CXADR: variants seen among roughly 807,000 people sequenced by gnomAD.
CXADR encodes the protein coxsackievirus and adenovirus receptor.
A neutral mutation model predicts 40.3 loss-of-function variants in CXADR; 20 were observed. The observed-to-expected ratio is 0.50, with a 90% confidence interval of 0.35 to 0.72. The LOEUF is 0.72. Ranked by LOEUF, CXADR falls within the 30% of genes least tolerant of loss-of-function variation. The probability of loss-of-function intolerance (pLI) is 0.01; values close to 1 mark genes in which losing one functional copy is unlikely to be tolerated. For missense variants in CXADR, 332 were observed against 449.1 expected, an observed-to-expected ratio of 0.74 and a Z score of 2.36; for synonymous variants, 150 against 161.3, an observed-to-expected ratio of 0.93 and a Z score of 0.53.
the CXADR span, chr21:17,599,168 A>C: frequency 4.8e-6 from 1 of 208,328 alleles, no homozygotes. Context: ...TGTACAATAA[A>C]ACATTCTGAT....
the CXADR span, among the ~76,000 whole-genome samples, chr21:17,635,727 C>G: frequency 6.6e-6 from 1 of 152,160 alleles, no homozygotes; most frequent in East Asian, 1.9e-4. Flanking sequence ...ACAAAATGTC[C>G]TCTAACTTTG....
At chr21:17,592,460 G>A (rs980465597) in intron 7 of CXADR, among the ~76,000 whole-genome samples, 1 of 151,806 alleles carries the variant, frequency 6.6e-6, no homozygotes, top group African/African-American at 2.4e-5. Context: ...ACCTACAGAT[G>A]AGGACCAATT....
chr21:17,548,823 G>A (rs1057281378), intron 2 of CXADR, among the ~76,000 whole-genome samples: 2 of 152,212 alleles, frequency 1.3e-5, no homozygotes, highest in African/African-American at 4.8e-5. Flanking sequence ...TAAGATAAAT[G>A]TGAAACTGGG....
the CXADR span, among the ~76,000 whole-genome samples, chr21:17,615,554 G>A: frequency 6.6e-6 from 1 of 152,164 alleles, no homozygotes; most frequent in Non-Finnish European, 1.5e-5. Context: ...TGTAATAAAA[G>A]TTATGTGAAT....
At chr21:17,605,068 A>G in the CXADR span, 1 of 1,526,846 alleles carries the variant, frequency 6.5e-7, no homozygotes, top group East Asian at 2.3e-5. Flanking sequence ...ATCTATTCAT[A>G]CTTGCCAAGG....
At position 17,565,057 on chromosome 21, in the gene CXADR, C is replaced by G. The variant is rs148992599; in HGVS notation, c.834-371C>G. 2.5e-3 allele frequency among the ~76,000 whole-genome samples: 382 copies of G among 152,224 alleles called. 5 individuals are homozygous for G. The highest frequency in any genetic ancestry group is 8.9e-3 in the African/African-American group (371 of 41,540). ...ATACCTGTAGGTGTTAGTGTTTTCTCAACTATAAAGTGTTACATGGCTTTA... is the reference window on the plus strand; with the variant it reads ...ATACCTGTAGGTGTTAGTGTTTTCTGAACTATAAAGTGTTACATGGCTTTA... On this transcript the variant is annotated intron_variant, in intron 6 of 6. Transcript: ENST00000284878.
In CXADR at chr21:17,546,933, C is replaced by T. The variant is rs1029369359; in HGVS notation, c.44-94C>T. 34 of 1,450,046 alleles carry T rather than the reference C, an allele frequency of 2.3e-5. No homozygotes were observed. In the Admixed American group the frequency reaches 2.6e-4, roughly 11 times the overall value. The allele number at this position is 1,450,046 out of a possible 1,614,324, so 89.8% of individuals were successfully genotyped here. A position where few individuals can be genotyped will look rare whatever the true frequency, so the allele number is the denominator to read the frequency against. On this transcript the variant is annotated intron_variant, in intron 1 of 6. Coordinates refer to ENST00000284878, the MANE Select transcript of CXADR (RefSeq NM_001338.5). ...GACCCAAACCCCGTCCTGTATCCCT[C>T]GCATCAATGTGCTGCTTCTGAATGG...
chr21:17,519,946 G>A (rs573665440), intron 1 of CXADR, among the ~76,000 whole-genome samples: 2 of 151,814 alleles, frequency 1.3e-5, no homozygotes, highest in South Asian at 4.2e-4. Context: ...GTGACAGAGC[G>A]AGACTCCATC....
chr21:17,592,037 G>C (rs970188168), intron 7 of CXADR, among the ~76,000 whole-genome samples: 1 of 151,734 alleles, frequency 6.6e-6, no homozygotes, highest in African/African-American at 2.4e-5. Context: ...TCTTCTATGA[G>C]TAATAACATC....
chr21:17,604,046 A>C, the CXADR span: 9 of 994,718 alleles, frequency 9.0e-6, no homozygotes, highest in Non-Finnish European at 1.1e-5. Flanking sequence ...AAAAGATTTC[A>C]TACCTAGCAC....
In CXADR at chr21:17,590,419, T is replaced by C. The variant is rs558655545; in HGVS notation, c.1018-2733T>C. On this transcript the variant is annotated intron_variant, in intron 7 of 7. Transcript: ENST00000400169. Reference sequence around the variant, plus strand: ...CTTATGTTACCCTTAAAAGTATACATGAAAGAACAAAGGAACATAGAAGAT... The same window carrying C: ...CTTATGTTACCCTTAAAAGTATACACGAAAGAACAAAGGAACATAGAAGAT... Among the ~76,000 whole-genome samples the C allele has an allele frequency of 1.8e-4, 28 of 152,136 alleles. No homozygotes were observed. The South Asian group carries it at 5.6e-3, about 30-fold the overall frequency.
At chr21:17,577,130 C>G (rs2061327613) in intron 7 of CXADR, among the ~76,000 whole-genome samples, 1 of 151,554 alleles carries the variant, frequency 6.6e-6, no homozygotes, top group Non-Finnish European at 1.5e-5. Flanking sequence ...TCAGTCTGGG[C>G]TACAGAGTGA....
At chr21:17,618,587 G>T in the CXADR span, among the ~76,000 whole-genome samples, 1 of 151,938 alleles carries the variant, frequency 6.6e-6, no homozygotes, top group Non-Finnish European at 1.5e-5. Context: ...GCCCAGGCTG[G>T]AGTGCAATGA....
At chr21:17,546,059 G>T (rs1009932169) in intron 1 of CXADR, among the ~76,000 whole-genome samples, 2 of 152,280 alleles carry the variant, frequency 1.3e-5, no homozygotes, top group Admixed American at 1.3e-4. Context: ...GATTACAGGC[G>T]TGAGCCACCG....
intron 1 of CXADR, chr21:17,543,050 A>C (rs1205591749): frequency 2.7e-6 from 1 of 370,448 alleles, no homozygotes; most frequent in Non-Finnish European, 5.4e-6. Context: ...GAGGAATTGA[A>C]GGCTTTAACC....
chr21:17,560,865 T>A (rs375655725), intron 5 of CXADR, 41 bp downstream of exon 5: 12 of 1,608,700 alleles, frequency 7.5e-6, no homozygotes, highest in Non-Finnish European at 1.0e-5. Flanking sequence ...GTTTCTGTTA[T>A]CTTTATACCA....
At chr21:17,579,506 G>T (rs1029509401) in intron 7 of CXADR, among the ~76,000 whole-genome samples, 1 of 152,064 alleles carries the variant, frequency 6.6e-6, no homozygotes, top group Non-Finnish European at 1.5e-5. Context: ...GGATGGTCTC[G>T]ATCTCCTGAC....
chr21:17,607,535 CTCT>C, the CXADR span, among the ~76,000 whole-genome samples: 6 of 152,152 alleles, frequency 3.9e-5, no homozygotes, highest in Non-Finnish European at 8.8e-5. Context: ...TATTTTGATT[CTCT>C]TCTTGTCAAT....
At chr21:17,576,500 C>T (rs1056650305) in intron 7 of CXADR, among the ~76,000 whole-genome samples, 1 of 152,120 alleles carries the variant, frequency 6.6e-6, no homozygotes, top group Non-Finnish European at 1.5e-5. Context: ...CTTTTAGCAT[C>T]GTTATTATTC....
Sources: gnomAD v4.1 joint callset for allele counts (sites outside exome capture counted in the v4.1 genomes callset) on GRCh38, gnomAD v4.1.1 for gene constraint, MANE v1.5 for transcripts, NCBI Gene and HGNC (gene_info 2026-07-23, HGNC 2026-07-21) for gene names.